The following MAP4K5 variants were observed in gnomAD, a reference collection of about 807,000 sequenced individuals.
MAP4K5 encodes the protein mitogen-activated protein kinase kinase kinase kinase 5, also known as MAPK/ERK kinase kinase kinase 5.
A neutral mutation model predicts 135.6 loss-of-function variants in MAP4K5; 82 were observed. That is an observed-to-expected ratio of 0.60 (90% CI 0.51 to 0.73). The LOEUF (loss-of-function observed/expected upper bound fraction) is 0.73, where lower values mean the gene tolerates loss of function less well. MAP4K5 is among the 30% of genes least tolerant of loss of function. The pLI, the probability that MAP4K5 is intolerant of heterozygous loss-of-function variation, is 0.00. For missense variants in MAP4K5, 907 were observed against 1,010.9 expected, an observed-to-expected ratio of 0.90 and a Z score of 1.39; for synonymous variants, 347 against 335.0, an observed-to-expected ratio of 1.04 and a Z score of -0.39.
At chr14:50,505,313 G>A (rs1281653256) in intron 2 of MAP4K5, among the ~76,000 whole-genome samples, 1 of 151,974 alleles carries the variant, frequency 6.6e-6, no homozygotes, top group African/African-American at 2.4e-5. Flanking sequence ...GTGCATTATG[G>A]AAGAAGATGA....
intron 1 of MAP4K5, 64 bp from the exon 2 acceptor site, chr14:50,532,222 C>G (rs944950319): frequency 3.4e-5 from 19 of 564,350 alleles, no homozygotes; most frequent in Non-Finnish European, 5.9e-5. Context: ...GGCCCGCGCC[C>G]TCGCGGCCCG....
At chr14:50,477,516 T>C (rs2037128169) in intron 6 of MAP4K5, among the ~76,000 whole-genome samples, 2 of 152,150 alleles carry the variant, frequency 1.3e-5, no homozygotes, top group Non-Finnish European at 2.9e-5. Flanking sequence ...TGTTGAAAAG[T>C]AGTAGTAAAG....
At chr14:50,452,721 TCAAA>T (rs1474632182) in intron 14 of MAP4K5, among the ~76,000 whole-genome samples, 1 of 152,140 alleles carries the variant, frequency 6.6e-6, no homozygotes, top group Admixed American at 6.5e-5. Flanking sequence ...TTCATGTCTC[TCAAA>T]CATAGAGACA....
intron 2 of MAP4K5, among the ~76,000 whole-genome samples, chr14:50,514,072 G>A (rs1490717297): frequency 6.6e-6 from 1 of 152,010 alleles, no homozygotes; most frequent in East Asian, 1.9e-4. Context: ...CTCTGTTATT[G>A]TTTTGTTTTG....
At chr14:50,547,118 C>T (rs1466178659) in intron 1 of MAP4K5, among the ~76,000 whole-genome samples, 1 of 151,962 alleles carries the variant, frequency 6.6e-6, no homozygotes, top group Non-Finnish European at 1.5e-5. Flanking sequence ...TATTTACAGG[C>T]TATAAAAATG....
intron 1 of MAP4K5, among the ~76,000 whole-genome samples, chr14:50,545,754 G>A (rs1391490191): frequency 2.6e-5 from 4 of 152,124 alleles, no homozygotes; most frequent in African/African-American, 9.7e-5. Flanking sequence ...AGGGAGGAAG[G>A]GTTGGAACTC....
At chr14:50,470,146 C>A (rs1044458574) in intron 9 of MAP4K5, among the ~76,000 whole-genome samples, 13 of 152,274 alleles carry the variant, frequency 8.5e-5, no homozygotes, top group Middle Eastern at 3.4e-3. Context: ...CCTCTACCCA[C>A]TGGAATCAGC....
At chr14:50,465,770 A>G (rs529152285) in intron 11 of MAP4K5, among the ~76,000 whole-genome samples, 1 of 152,120 alleles carries the variant, frequency 6.6e-6, no homozygotes, top group Non-Finnish European at 1.5e-5. Flanking sequence ...GAGTTTTATG[A>G]GAACACTGGA....
At chr14:50,462,515 G>A (rs1375523247) in intron 13 of MAP4K5, 150 bp downstream of exon 13, 8 of 609,642 alleles carry the variant, frequency 1.3e-5, no homozygotes, top group Non-Finnish European at 2.3e-5. Context: ...ATTATGTGCA[G>A]GAAAAGTGTA....
At chr14:50,520,949 A>C (rs1056428407) in intron 2 of MAP4K5, among the ~76,000 whole-genome samples, 1 of 151,596 alleles carries the variant, frequency 6.6e-6, no homozygotes, top group Non-Finnish European at 1.5e-5. Context: ...CAGCCTCCCA[A>C]GTAGTTGGGA....
intron 2 of MAP4K5, among the ~76,000 whole-genome samples, chr14:50,512,506 A>G (rs1051856824): frequency 6.6e-6 from 1 of 152,172 alleles, no homozygotes; most frequent in East Asian, 1.9e-4. Context: ...AAATGCAAAA[A>G]ATACAAACTA....
At chr14:50,558,802 A>T (rs983227079) in intron 1 of MAP4K5, among the ~76,000 whole-genome samples, 1 of 152,220 alleles carries the variant, frequency 6.6e-6, no homozygotes, top group South Asian at 2.1e-4. Flanking sequence ...GTTTATAGGT[A>T]TAAGGATGAG....
At chr14:50,449,491 T>A (rs79677771) in intron 14 of MAP4K5, 2 of 152,138 alleles carry the variant, frequency 1.3e-5, no homozygotes, top group African/African-American at 4.8e-5. Context: ...TTTTAAACAC[T>A]CATACTTGCA....
chr14:50,558,384 ATT>A (rs1566712933), intron 1 of MAP4K5, among the ~76,000 whole-genome samples: 1 of 152,204 alleles, frequency 6.6e-6, no homozygotes, highest in Non-Finnish European at 1.5e-5. Context: ...ACAGATAATG[ATT>A]TTAAAGCCTC....
At chr14:50,457,866 G>C (rs1464342084) in intron 13 of MAP4K5, among the ~76,000 whole-genome samples, 2 of 152,108 alleles carry the variant, frequency 1.3e-5, no homozygotes, top group East Asian at 3.9e-4. Context: ...ATAATTTCAA[G>C]TAATTTCTTG....
intron 14 of MAP4K5, among the ~76,000 whole-genome samples, chr14:50,454,789 T>G (rs1339741863): frequency 6.6e-6 from 1 of 151,978 alleles, no homozygotes; most frequent in Non-Finnish European, 1.5e-5. Flanking sequence ...GTAAAAACAA[T>G]GAATTTTTCT....
intron 1 of MAP4K5, among the ~76,000 whole-genome samples, chr14:50,543,636 G>A (rs1194036214): frequency 6.6e-6 from 1 of 152,158 alleles, no homozygotes; most frequent in Non-Finnish European, 1.5e-5. Flanking sequence ...AGGATCAATC[G>A]TGGTGCTGGC....
At chr14:50,465,509 G>T (rs1053838147) in intron 11 of MAP4K5, among the ~76,000 whole-genome samples, 7 of 152,170 alleles carry the variant, frequency 4.6e-5, no homozygotes, top group Non-Finnish European at 8.8e-5. Context: ...GGATCAAGAT[G>T]AAAATAAGTA....
chr14:50,423,067 GA>G (rs2035768156), intron 32 of MAP4K5, 53 bp downstream of exon 32: 2 of 796,796 alleles, frequency 2.5e-6, no homozygotes, highest in African/African-American at 3.4e-5. Flanking sequence ...GTATAATTAA[GA>G]GTATGATCTT....
Sources: gnomAD v4.1 joint callset for allele counts (sites outside exome capture counted in the v4.1 genomes callset) on GRCh38, gnomAD v4.1.1 for gene constraint, MANE v1.5 for transcripts, NCBI Gene and HGNC (gene_info 2026-07-23, HGNC 2026-07-21) for gene names.